PRG4: variants seen among roughly 807,000 people sequenced by gnomAD.
PRG4 encodes articular superficial zone protein.
A neutral mutation model predicts 91.2 loss-of-function variants in PRG4; 61 were observed. The observed-to-expected ratio is 0.67, with a 90% CI of 0.54 to 0.83. The LOEUF is 0.83. Among genes scored for constraint, PRG4 ranks in the 40% least tolerant of loss-of-function variants. The probability of loss-of-function intolerance (pLI) is 0.00; values close to 1 mark genes in which losing one functional copy is unlikely to be tolerated. For synonymous variants in PRG4, 576 were observed against 614.2 expected (o/e 0.94, Z 0.92); for missense variants, 1,564 against 1,714.2 (o/e 0.91, Z 1.55).
At chr1:186,300,720 G>A (rs548534375) in intron 3 of PRG4, among the ~76,000 whole-genome samples, 1 of 152,196 alleles carries the variant, frequency 6.6e-6, no homozygotes, top group African/African-American at 2.4e-5. Context: ...AAGATAAAGT[G>A]CTAGTGTTTA....
At position 186,313,821 on chromosome 1, in the gene PRG4, A is replaced by T. The variant is rs776889793; in HGVS notation, c.*43A>T. The T allele has an allele frequency of 6.6e-7, 1 of 1,521,454 alleles. No individual in the cohort carries two copies. Among genetic ancestry groups the T allele is most frequent in the South Asian group, 1.1e-5 (1 of 89,126 alleles). 94.2% of individuals were successfully genotyped at this position (1,521,454 alleles called of 1,614,324 possible). Reference sequence around the variant, plus strand: ...GAGTCAACTAATGAAGAAATGAATAATAAATTTTGACACTGAAAAACATTT... The same window carrying T: ...GAGTCAACTAATGAAGAAATGAATATTAAATTTTGACACTGAAAAACATTT... On this transcript the variant is annotated 3_prime_UTR_variant, in exon 13 of 13. Coordinates refer to ENST00000445192, the MANE Select transcript of PRG4 (RefSeq NM_005807.6).
chr1:186,304,964 A>T, intron 6 of PRG4, 42 bp downstream of exon 6: 1 of 1,584,258 alleles, frequency 6.3e-7, no homozygotes, highest in Non-Finnish European at 8.6e-7. Context: ...TCAATGCCAT[A>T]TTAACAATGA....
chr1:186,303,656 A>G (rs1201204545), intron 4 of PRG4, among the ~76,000 whole-genome samples: 1 of 152,200 alleles, frequency 6.6e-6, no homozygotes, highest in Non-Finnish European at 1.5e-5. Flanking sequence ...TTGTAATTAA[A>G]AAAAGAACAA....
At position 186,314,381 on chromosome 1, in the gene PRG4, T is replaced by G. The variant is rs1393683405; in HGVS notation, c.*603T>G. ...TATAACACTTCATATTTTCCAAATC[T>G]TAATTTGGATTTAAGGAAGAAATCA... On this transcript the variant is annotated 3_prime_UTR_variant, in exon 13 of 13. Coordinates refer to ENST00000445192, the MANE Select transcript of PRG4 (RefSeq NM_005807.6). 1 of 352,676 alleles carries G rather than the reference T, an allele frequency of 2.8e-6. No homozygotes were observed. Among genetic ancestry groups the G allele is most frequent in the Non-Finnish European group, 5.1e-6 (1 of 197,444 alleles). The allele number at this position is 352,676 out of a possible 1,614,324, so 21.8% of individuals were successfully genotyped here. A position where few individuals can be genotyped will look rare whatever the true frequency, so the allele number is the denominator to read the frequency against.
At chr1:186,301,044 C>T (rs1656183101) in intron 3 of PRG4, among the ~76,000 whole-genome samples, 1 of 152,138 alleles carries the variant, frequency 6.6e-6, no homozygotes, top group African/African-American at 2.4e-5. Context: ...ATAGTCCACA[C>T]TGTAAGATTA....
chr1:186,304,791 T>C lies in PRG4; in HGVS notation c.470-3T>C, dbSNP rs771329045. 1.2e-6 allele frequency: 2 copies of C among 1,610,916 alleles called. No homozygotes were observed. Among genetic ancestry groups the C allele is most frequent in the African/African-American group, 1.3e-5 (1 of 74,850 alleles). On this transcript the variant is annotated splice_region_variant and splice_polypyrimidine_tract_variant and intron_variant, in intron 5 of 12. Transcript: ENST00000445192. ...GTGATCAAACTTTCTATTTGATTTA[T>C]AGAACATTCTGTTTCTGAAAATCAA...
At chr1:186,310,983 T>C in intron 8 of PRG4, 51 bp from the exon 9 acceptor site, 2 of 1,606,712 alleles carry the variant, frequency 1.2e-6, no homozygotes, top group South Asian at 1.1e-5. Flanking sequence ...GTTTCTTTTG[T>C]GATAGGTTTA....
chr1:186,303,061 C>A (rs143545388), intron 4 of PRG4, among the ~76,000 whole-genome samples: 17 of 152,098 alleles, frequency 1.1e-4, no homozygotes, highest in African/African-American at 4.1e-4. Flanking sequence ...GTGTAATAAC[C>A]AAACTATCTT....
Position 186,309,787 on chromosome 1 carries a change from G to A in PRG4, c.3422-6G>A. 1.2e-6 allele frequency: 2 copies of A among 1,606,774 alleles called. No individual in the cohort carries two copies. The highest frequency in any genetic ancestry group is 2.2e-5 in the South Asian group (2 of 90,938). The stretch of plus-strand genomic sequence containing the variant: ...ATATTTGTTTTGTTTTTGTTAATTT[G>A]TTTAGATGAGACCAATATATGCAAT... On this transcript the variant is annotated splice_region_variant and splice_polypyrimidine_tract_variant and intron_variant, in intron 7 of 12. Transcript: ENST00000445192.
chr1:186,308,385 T>C lies in PRG4; in HGVS notation c.2666T>C (p.Leu889Pro). Reference sequence around the variant, plus strand: ...TCTGCAGAACCCACACCAAAAGCTCTTGAAAACAGTCCCAAGGAACCTGGT... The same window carrying C: ...TCTGCAGAACCCACACCAAAAGCTCCTGAAAACAGTCCCAAGGAACCTGGT... Reference protein sequence around the residue: ...ELSAEPTPKALENSPKEPGVP... With the variant: ...ELSAEPTPKAPENSPKEPGVP... The change falls in exon 7 of 13, where the codon CTT becomes CCT. Residue 889 changes from leucine (L) to proline (P), a missense_variant. Transcript: ENST00000445192. The C allele has an allele frequency of 3.1e-6, 5 of 1,613,878 alleles. No homozygotes were observed. The highest frequency in any genetic ancestry group is 4.2e-6 in the Non-Finnish European group (5 of 1,180,022).
At chr1:186,309,955 G>A (rs1268476850) in intron 8 of PRG4, 85 bp downstream of exon 8, 3 of 1,194,216 alleles carry the variant, frequency 2.5e-6, no homozygotes, top group Admixed American at 1.7e-5. Flanking sequence ...GTGCTAGTTT[G>A]GGTTGTTTTC....
chr1:186,309,991 C>A, intron 8 of PRG4, 121 bp downstream of exon 8: 1 of 790,228 alleles, frequency 1.3e-6, no homozygotes, highest in Non-Finnish European at 2.3e-6. Context: ...TTGATAAGCA[C>A]ACCTCACAGG....
intron 2 of PRG4, 126 bp from the exon 3 acceptor site, chr1:186,299,965 C>A: frequency 8.8e-7 from 1 of 1,140,196 alleles, no homozygotes; most frequent in Non-Finnish European, 1.3e-6. Flanking sequence ...CTATTGCTGA[C>A]ATCATTCCAA....
chr1:186,298,497 T>C (rs1403110312), intron 2 of PRG4, among the ~76,000 whole-genome samples: 2 of 152,156 alleles, frequency 1.3e-5, no homozygotes, highest in African/African-American at 4.8e-5. Context: ...TCCTCTTTTT[T>C]TTTTTTCTTT....
Position 186,306,251 on chromosome 1 carries a change from G to T in PRG4, c.599-67G>T, listed in dbSNP as rs1656545733. ...CACAACTAGTCAATGATAAAGATGG[G>T]ATCTTTATGTCACTATTAAAGAAAA... On this transcript the variant is annotated intron_variant, in intron 6 of 12. Transcript: ENST00000445192. 4.1e-6 allele frequency: 5 copies of T among 1,228,802 alleles called. No individual in the cohort carries two copies. The Admixed American group carries it at 1.2e-4, about 28-fold the overall frequency. The allele number at this position is 1,228,802 out of a possible 1,614,324, so 76.1% of individuals were successfully genotyped here.
intron 6 of PRG4, 112 bp from the exon 7 acceptor site, chr1:186,306,206 T>G: frequency 1.2e-6 from 1 of 847,860 alleles, no homozygotes; most frequent in Non-Finnish European, 1.8e-6. Context: ...TAGTAGAGAT[T>G]AGCAATTTGC....
At chr1:186,312,424 C>T (rs1377515923) in intron 11 of PRG4, 52 bp downstream of exon 11, 1 of 1,485,148 alleles carries the variant, frequency 6.7e-7, no homozygotes, top group Non-Finnish European at 9.2e-7. Flanking sequence ...AGATGTAATA[C>T]AGTTTCTTAT....
rs749805360 is a variant in PRG4, at chr1:186,308,566, C to T, written c.2847C>T (p.Thr949=). 1.4e-5 allele frequency: 22 copies of T among 1,613,398 alleles called. No individual in the cohort carries two copies. Among genetic ancestry groups the T allele is most frequent in the African/African-American group, 2.7e-5 (2 of 74,886 alleles). The change falls in exon 7 of 13, where the codon ACC becomes ACT. Residue 949 remains threonine, a synonymous_variant. Transcript: ENST00000445192. ...KETATTTEKT[T]ESKITATTTQ... ...CAGCAACTACAACAGAAAAAACTAC[C>T]GAATCCAAAATAACAGCTACAACCA...
In PRG4 at chr1:186,296,828, C is replaced by A; in HGVS notation, c.-30-18C>A. The A allele has an allele frequency of 1.4e-6, 2 of 1,440,236 alleles. No homozygotes were observed. The highest frequency in any genetic ancestry group is 2.0e-6 in the Non-Finnish European group (2 of 1,023,032). 89.2% of individuals were successfully genotyped at this position (1,440,236 alleles called of 1,614,324 possible). On this transcript the variant is annotated intron_variant, in intron 1 of 12. Coordinates refer to ENST00000445192, the MANE Select transcript of PRG4 (RefSeq NM_005807.6). ...GAGATGAAAGAGCTGTTTTCTGATACTTTTATTTTATTTTCAGCAAGGGTA... is the reference window on the plus strand; with the variant it reads ...GAGATGAAAGAGCTGTTTTCTGATAATTTTATTTTATTTTCAGCAAGGGTA...
Sources: allele counts gnomAD v4.1 joint callset (sites outside exome capture counted in the v4.1 genomes callset), GRCh38; gene constraint gnomAD v4.1.1; transcripts MANE v1.5; gene names NCBI Gene and HGNC (gene_info 2026-07-23, HGNC 2026-07-21).